Variants in LRP1B observed in about 807,000 individuals in gnomAD.
The protein encoded by LRP1B is LDL receptor related protein 1B, also known as low-density lipoprotein receptor-related protein 1B.
A neutral mutation model predicts 556.6 loss-of-function variants in LRP1B; 217 were observed. The ratio of observed to expected loss-of-function variants is 0.39; its 90% confidence interval spans 0.35 to 0.44. The LOEUF is 0.44. Ranked by LOEUF, LRP1B falls within the 20% of genes least tolerant of loss-of-function variation. LRP1B has a pLI of 1.00. For missense variants in LRP1B, 5,053 were observed against 5,620.8 expected (o/e 0.90, Z 3.23); for synonymous variants, 2,047 against 1,865.8 (o/e 1.10, Z -2.50).
chr2:141,025,907 A>G (rs1456368297), intron 11 of LRP1B, among the ~76,000 whole-genome samples: 1 of 152,096 alleles, frequency 6.6e-6, no homozygotes, highest in African/African-American at 2.4e-5. Context: ...TATATTTCAG[A>G]GGACAAAATA....
chr2:141,741,775 C>T (rs1484737309), intron 2 of LRP1B, among the ~76,000 whole-genome samples: 1 of 152,088 alleles, frequency 6.6e-6, no homozygotes, highest in African/African-American at 2.4e-5. Context: ...TTCCTTTGCT[C>T]TGCAGAAGCT....
chr2:140,274,184 A>G (rs1682575901), intron 85 of LRP1B, among the ~76,000 whole-genome samples: 1 of 152,006 alleles, frequency 6.6e-6, no homozygotes, highest in Non-Finnish European at 1.5e-5. Flanking sequence ...ATAGGGAATG[A>G]TATGACCGTC....
chr2:141,896,798 C>T (rs1450292983), intron 1 of LRP1B, among the ~76,000 whole-genome samples: 1 of 152,128 alleles, frequency 6.6e-6, no homozygotes, highest in Non-Finnish European at 1.5e-5. Flanking sequence ...ATTTAAAACA[C>T]CATTGTGTGT....
intron 27 of LRP1B, among the ~76,000 whole-genome samples, chr2:140,862,975 G>T (rs1692842229): frequency 6.6e-6 from 1 of 152,134 alleles, no homozygotes; most frequent in African/African-American, 2.4e-5. Context: ...CCTGGACCTG[G>T]ACTTATGCCA....
At chr2:140,636,893 C>G (rs995415565) in intron 41 of LRP1B, among the ~76,000 whole-genome samples, 2 of 152,154 alleles carry the variant, frequency 1.3e-5, no homozygotes, top group African/African-American at 4.8e-5. Flanking sequence ...GGAAAAGACT[C>G]AGCGTAGCTG....
intron 7 of LRP1B, among the ~76,000 whole-genome samples, chr2:141,177,933 TA>T (rs1291650596): frequency 6.6e-6 from 1 of 152,088 alleles, no homozygotes; most frequent in Non-Finnish European, 1.5e-5. Context: ...CAGCCACCTA[TA>T]AATAAGTAGA....
At position 140,285,026 on chromosome 2, in the gene LRP1B, G is replaced by GTATATA. The variant is rs368255793; in HGVS notation, c.12968-10434_12968-10429dup. Among the ~76,000 whole-genome samples the GTATATA allele has an allele frequency of 1.3e-4, 19 of 144,658 alleles. 1 individual carries two copies. Among genetic ancestry groups the GTATATA allele is most frequent in the East Asian group, 1.0e-3 (5 of 4,812 alleles). 94.9% of individuals were successfully genotyped at this position (144,658 alleles called of 152,430 possible). A position where few individuals can be genotyped will look rare whatever the true frequency, so the allele number is the denominator to read the frequency against. ...TAGATATCTCTCTGTGTGTGTGTGT[G>GTATATA]TATATATATATATATATGGATATCT... On this transcript the variant is annotated intron_variant, in intron 84 of 90. Coordinates refer to ENST00000389484, the MANE Select transcript of LRP1B (RefSeq NM_018557.3).
At chr2:140,800,156 C>T (rs895188638) in intron 32 of LRP1B, among the ~76,000 whole-genome samples, 2 of 152,040 alleles carry the variant, frequency 1.3e-5, no homozygotes, top group Non-Finnish European at 2.9e-5. Flanking sequence ...GGACAAAATA[C>T]CAAACACCGC....
intron 83 of LRP1B, among the ~76,000 whole-genome samples, chr2:140,314,385 A>C (rs180930889): frequency 5.5e-4 from 83 of 152,156 alleles, no homozygotes; most frequent in Admixed American, 1.9e-3. Flanking sequence ...AAGCATAGCT[A>C]TTGCATAAAT....
chr2:140,810,023 T>C (rs909876586), intron 32 of LRP1B, among the ~76,000 whole-genome samples: 4 of 152,182 alleles, frequency 2.6e-5, no homozygotes, highest in Non-Finnish European at 5.9e-5. Flanking sequence ...AAGCTCTACT[T>C]ATTAAAAGGA....
intron 3 of LRP1B, among the ~76,000 whole-genome samples, chr2:141,447,801 G>T (rs996701494): frequency 9.9e-5 from 15 of 152,120 alleles, no homozygotes; most frequent in African/African-American, 3.6e-4. Context: ...GTCCCAGAAG[G>T]CCAACTGCCA....
intron 51 of LRP1B, among the ~76,000 whole-genome samples, chr2:140,510,998 C>A (rs1689627679): frequency 6.8e-6 from 1 of 147,616 alleles, no homozygotes; most frequent in African/African-American, 2.5e-5. Context: ...CCCTAAATCT[C>A]TTTTTTTTTT....
At position 140,442,500 on chromosome 2, in the gene LRP1B, T is replaced by G; in HGVS notation, c.10414+4A>C. On this transcript the variant is annotated splice_donor_region_variant and intron_variant, in intron 66 of 90. Coordinates refer to ENST00000389484, the MANE Select transcript of LRP1B (RefSeq NM_018557.3). ...AGATAAGACCCAGAGTCACAGACAC[T>G]CACCGCAGTTGGCCTCGTCTGATGC... The G allele has an allele frequency of 6.2e-7, 1 of 1,610,928 alleles. No homozygotes were observed. Among genetic ancestry groups the G allele is most frequent in the African/African-American group, 1.3e-5 (1 of 74,760 alleles).
chr2:141,118,757 T>C (rs1371100541), intron 7 of LRP1B, among the ~76,000 whole-genome samples: 5 of 152,048 alleles, frequency 3.3e-5, no homozygotes, highest in Admixed American at 2.0e-4. Context: ...AGATGAGGTA[T>C]CTAAGCATTT....
chr2:140,533,955 A>C, intron 47 of LRP1B, 66 bp downstream of exon 47: 1 of 1,577,424 alleles, frequency 6.3e-7, no homozygotes, highest in Non-Finnish European at 8.7e-7. Flanking sequence ...TCAGAAACGA[A>C]TGTTGGAAAA....
chr2:140,312,041 TGAG>T (rs1477541113), intron 83 of LRP1B, among the ~76,000 whole-genome samples: 1 of 151,828 alleles, frequency 6.6e-6, no homozygotes, highest in Non-Finnish European at 1.5e-5. Context: ...CTTGAATGAA[TGAG>T]AAGGAATGCT....
intron 31 of LRP1B, among the ~76,000 whole-genome samples, chr2:140,837,378 G>A (rs560895337): frequency 3.3e-5 from 5 of 152,198 alleles, no homozygotes; most frequent in Non-Finnish European, 7.4e-5. Context: ...TGCAAAATCC[G>A]ATACTCAATA....
At chr2:140,597,753 T>A (rs1682501168) in intron 43 of LRP1B, among the ~76,000 whole-genome samples, 1 of 152,224 alleles carries the variant, frequency 6.6e-6, no homozygotes, top group South Asian at 2.1e-4. Context: ...TCTATTCATT[T>A]ATATATTCTC....
At chr2:140,332,120 C>G (rs1039103276) in intron 79 of LRP1B, among the ~76,000 whole-genome samples, 17 of 152,170 alleles carry the variant, frequency 1.1e-4, no homozygotes, top group African/African-American at 3.4e-4. Flanking sequence ...CAATGAAGAG[C>G]TTTTTAAAAA....
Sources: gnomAD v4.1 joint callset for allele counts (sites outside exome capture counted in the v4.1 genomes callset) on GRCh38, gnomAD v4.1.1 for gene constraint, MANE v1.5 for transcripts, NCBI Gene and HGNC (gene_info 2026-07-23, HGNC 2026-07-21) for gene names.